ERC1: variants seen among roughly 807,000 people sequenced by gnomAD.
ERC1 encodes RAB6 interacting protein 2.
Under a neutral mutation model 132.0 loss-of-function variants are expected in ERC1, and 56 were observed. The observed-to-expected ratio is 0.42, with a 90% confidence interval of 0.34 to 0.53. The LOEUF is 0.53. Ranked by LOEUF, ERC1 falls within the 20% of genes least tolerant of loss-of-function variation. The probability of loss-of-function intolerance (pLI) is 0.03; values close to 1 mark genes in which losing one functional copy is unlikely to be tolerated. For missense variants in ERC1, 1,202 were observed against 1,349.9 expected (o/e 0.89, Z 1.72); for synonymous variants, 478 against 476.1 (o/e 1.00, Z -0.05).
chr12:1,245,243 C>T (rs1279607350), intron 13 of ERC1, among the ~76,000 whole-genome samples: 1 of 152,004 alleles, frequency 6.6e-6, no homozygotes, highest in Non-Finnish European at 1.5e-5. Context: ...TCATTTTTCT[C>T]TTCTGTTCCT....
rs1947616651 is a variant in ERC1 at position 1,122,560 on chromosome 12, T to TTG, written c.1569+6527_1569+6528insTG. 4.9e-5 allele frequency among the ~76,000 whole-genome samples: 6 copies of TTG among 122,912 alleles called. 2 individuals carry two copies. The highest frequency in any genetic ancestry group is 2.1e-4 in the African/African-American group (6 of 28,074). The allele number at this position is 122,912 out of a possible 152,430, so 80.6% of individuals were successfully genotyped here. ...ATCTCTATCTGTGTCTCTATCTCTA[T>TTG]CTCTATCTGTGTCTCTATCTCTATC... On this transcript the variant is annotated intron_variant, in intron 7 of 18. Coordinates refer to ENST00000360905, the MANE Select transcript of ERC1 (RefSeq NM_178040.4).
At chr12:1,394,454 T>C (rs2090362197) in intron 16 of ERC1, among the ~76,000 whole-genome samples, 1 of 152,182 alleles carries the variant, frequency 6.6e-6, no homozygotes, top group South Asian at 2.1e-4. Context: ...GTGGCCTCTG[T>C]ATCTGTAAAA....
intron 1 of ERC1, among the ~76,000 whole-genome samples, chr12:1,026,222 CT>C (rs1966875845): frequency 1.3e-5 from 2 of 152,194 alleles, no homozygotes; most frequent in Non-Finnish European, 2.9e-5. Context: ...TGCAGGGGAA[CT>C]CCAATTTATA....
chr12:1,105,658 A>G (rs1945181247), intron 4 of ERC1, among the ~76,000 whole-genome samples: 2 of 152,312 alleles, frequency 1.3e-5, no homozygotes, highest in Middle Eastern at 3.4e-3. Flanking sequence ...CACCTGGCCA[A>G]GATTTATTAA....
At chr12:1,226,772 G>C (rs138679194) in intron 12 of ERC1, among the ~76,000 whole-genome samples, 157 of 152,266 alleles carry the variant, frequency 1.0e-3, no homozygotes, top group Middle Eastern at 6.8e-3. Flanking sequence ...CACCTCCTGA[G>C]CTCAAGCAAT....
intron 17 of ERC1, among the ~76,000 whole-genome samples, chr12:1,433,044 G>C (rs1010779130): frequency 1.5e-4 from 23 of 152,218 alleles, no homozygotes; most frequent in Admixed American, 1.3e-3. Flanking sequence ...GGTACTAAAG[G>C]ATGGACTACT....
At chr12:1,126,637 G>T (rs1362642745) in intron 7 of ERC1, among the ~76,000 whole-genome samples, 1 of 152,158 alleles carries the variant, frequency 6.6e-6, no homozygotes, top group African/African-American at 2.4e-5. Flanking sequence ...AGATGAGATT[G>T]GGAGAAGAGT....
chr12:1,060,622 A>G (rs2154174959), intron 2 of ERC1, among the ~76,000 whole-genome samples: 1 of 152,324 alleles, frequency 6.6e-6, no homozygotes, highest in South Asian at 2.1e-4. Context: ...TGATAAACCC[A>G]TCAGATCTCA....
intron 8 of ERC1, among the ~76,000 whole-genome samples, chr12:1,154,374 C>CACACAT (rs1951168822): frequency 6.6e-6 from 1 of 150,730 alleles, no homozygotes; most frequent in African/African-American, 2.5e-5. Flanking sequence ...CACACACACA[C>CACACAT]ACACACACTT....
chr12:1,469,135 A>G (rs1030042851), intron 18 of ERC1, among the ~76,000 whole-genome samples: 1 of 152,250 alleles, frequency 6.6e-6, no homozygotes, highest in Non-Finnish European at 1.5e-5. Flanking sequence ...AAGGAAGAGT[A>G]GATAACTAAC....
intron 3 of ERC1, among the ~76,000 whole-genome samples, chr12:1,104,338 A>G (rs756147265): frequency 4.3e-4 from 65 of 152,222 alleles, no homozygotes; most frequent in Admixed American, 3.7e-3. Context: ...GCAGTCAGCA[A>G]TGCAGACTGA....
intron 3 of ERC1, among the ~76,000 whole-genome samples, chr12:1,097,436 A>T (rs1009857547): frequency 2.0e-5 from 3 of 152,132 alleles, no homozygotes; most frequent in East Asian, 1.9e-4. Context: ...CTCTACTCCT[A>T]AGCTTGACCT....
chr12:1,397,785 A>G (rs2154385643), intron 16 of ERC1, among the ~76,000 whole-genome samples: 1 of 152,338 alleles, frequency 6.6e-6, no homozygotes, highest in South Asian at 2.1e-4. Flanking sequence ...AATCAAATGA[A>G]TGTATTACAT....
Position 1,456,639 on chromosome 12 carries a change from A to G in ERC1, c.3213+11889A>G, listed in dbSNP as rs2093542627. 3.9e-5 allele frequency among the ~76,000 whole-genome samples: 6 copies of G among 152,130 alleles called. No homozygotes were observed. The South Asian group carries it at 1.2e-3, about 32-fold the overall frequency. ...TTATGTTTTTTACTTCTTTTGAATT[A>G]TATAAAATTGGAAGTTATATTTATA... On this transcript the variant is annotated intron_variant, in intron 18 of 18. Transcript: ENST00000360905.
At chr12:1,482,478 C>T (rs1207443142) in intron 18 of ERC1, among the ~76,000 whole-genome samples, 2 of 152,110 alleles carry the variant, frequency 1.3e-5, no homozygotes, top group African/African-American at 4.8e-5. Context: ...TGGAGTTTCG[C>T]TCTTGTCTCC....
intron 16 of ERC1, among the ~76,000 whole-genome samples, chr12:1,404,774 C>T (rs1266587947): frequency 1.3e-5 from 2 of 152,150 alleles, no homozygotes; most frequent in Admixed American, 1.3e-4. Context: ...AGGGTTCCAC[C>T]CTCTGACCTA....
chr12:1,347,443 CAT>C (rs2084584972), intron 15 of ERC1, among the ~76,000 whole-genome samples: 1 of 136,956 alleles, frequency 7.3e-6, no homozygotes, highest in Non-Finnish European at 1.7e-5. Context: ...AGCTAATTAA[CAT>C]ATCATTATCT....
chr12:1,056,959 A>G (rs1386363235), intron 2 of ERC1, among the ~76,000 whole-genome samples: 2 of 152,302 alleles, frequency 1.3e-5, no homozygotes, highest in Admixed American at 6.5e-5. Context: ...TGTATCAATG[A>G]TACAACAAAA....
intron 2 of ERC1, among the ~76,000 whole-genome samples, chr12:1,033,441 G>C (rs1055681628): frequency 6.6e-6 from 1 of 151,418 alleles, no homozygotes; most frequent in Admixed American, 6.6e-5. Flanking sequence ...AAAGTGTTGG[G>C]ATCACAGTCA....
Sources: allele counts gnomAD v4.1 joint callset (sites outside exome capture counted in the v4.1 genomes callset), GRCh38; gene constraint gnomAD v4.1.1; transcripts MANE v1.5; gene names NCBI Gene and HGNC (gene_info 2026-07-23, HGNC 2026-07-21).